Variants in SGCZ observed in about 807,000 individuals in gnomAD.
SGCZ encodes the protein zeta-sarcoglycan.
In SGCZ, 40 loss-of-function variants were observed where a neutral mutation model predicts 41.3. The ratio of observed to expected loss-of-function variants is 0.97; its 90% CI spans 0.75 to 1.26. SGCZ has a LOEUF of 1.26. Ranked by LOEUF, SGCZ falls within the 50% of genes most tolerant of loss-of-function variation. SGCZ has a pLI of 0.00. For synonymous variants in SGCZ, 206 were observed against 137.5 expected (o/e 1.50, Z -3.49); for missense variants, 552 against 369.8 (o/e 1.49, Z -4.04).
intron 1 of SGCZ, among the ~76,000 whole-genome samples, chr8:14,758,370 T>A (rs1367749719): frequency 6.6e-6 from 1 of 150,520 alleles, no homozygotes; most frequent in Admixed American, 6.6e-5. Context: ...TAATACTGAT[T>A]TTTTTTTAAC....
At position 14,524,829 on chromosome 8, in the gene SGCZ, T is replaced by G. The variant is rs553685912; in HGVS notation, c.234+29903A>C. ...AATAATCATTGCATATATCTCCTTT[T>G]TGTTTTTTTTAAAGCAAATAACTGT... is the stretch of plus-strand genomic sequence containing the variant. On this transcript the variant is annotated intron_variant, in intron 2 of 7. Transcript: ENST00000382080. 7.9e-5 allele frequency among the ~76,000 whole-genome samples: 12 copies of G among 151,976 alleles called. No homozygotes were observed. The East Asian group carries it at 2.4e-3, about 30-fold the overall frequency.
At chr8:14,829,220 T>G (rs183080284) in intron 1 of SGCZ, among the ~76,000 whole-genome samples, 3 of 152,286 alleles carry the variant, frequency 2.0e-5, no homozygotes, top group South Asian at 4.1e-4. Context: ...TAGGCCCCAG[T>G]GCATATTGTT....
chr8:14,788,207 G>A (rs1414225140), intron 1 of SGCZ, among the ~76,000 whole-genome samples: 1 of 152,016 alleles, frequency 6.6e-6, no homozygotes, highest in South Asian at 2.1e-4. Context: ...TATCTGTCAA[G>A]GTCTCTAGAA....
At chr8:15,016,767 C>G (rs1011098256) in intron 1 of SGCZ, among the ~76,000 whole-genome samples, 5 of 152,124 alleles carry the variant, frequency 3.3e-5, no homozygotes, top group African/African-American at 1.2e-4. Flanking sequence ...CACAGTTCTG[C>G]AGGCTGTATA....
rs10103517 is a variant in SGCZ, at chr8:14,096,558, A to C, written c.744+5818T>G. On this transcript the variant is annotated intron_variant, in intron 7 of 7. Transcript: ENST00000382080. ...GATGTTCATCAGGGATGTTGGCCTA[A>C]AATTTTCTTTTTTTGTTGTGTCTCT... is the stretch of plus-strand genomic sequence containing the variant. 2.0e-3 allele frequency among the ~76,000 whole-genome samples: 306 copies of C among 152,212 alleles called. 1 individual carries two copies. Among genetic ancestry groups the C allele is most frequent in the African/African-American group, 6.9e-3 (286 of 41,526 alleles).
rs192395073 is a variant in SGCZ, at chr8:14,869,262, T to G, written c.40-314336A>C. Among the ~76,000 whole-genome samples the G allele has an allele frequency of 2.4e-3, 368 of 152,302 alleles. 1 individual carries two copies. The highest frequency in any genetic ancestry group is 8.4e-3 in the African/African-American group (350 of 41,572). On this transcript the variant is annotated intron_variant, in intron 1 of 7. Coordinates refer to ENST00000382080, the MANE Select transcript of SGCZ (RefSeq NM_139167.4). The stretch of plus-strand genomic sequence containing the variant: ...ACCACGATTAAGTTGACGTCATCCC[T>G]GGGATGCAAGCCTGGTTTAACATAT...
In SGCZ at chr8:15,237,511, G is replaced by A. The variant is rs1431026929; in HGVS notation, c.39+74C>T. Reference sequence around the variant, plus strand: ...CACCAACTACTCCGCGCCGCTGGAGGAGCCGCGGGAAGGAGAGGGGAGAGC... The same window carrying A: ...CACCAACTACTCCGCGCCGCTGGAGAAGCCGCGGGAAGGAGAGGGGAGAGC... On this transcript the variant is annotated intron_variant, in intron 1 of 7. Coordinates refer to ENST00000382080, the MANE Select transcript of SGCZ (RefSeq NM_139167.4). The A allele has an allele frequency of 3.9e-6, 6 of 1,522,244 alleles. No individual in the cohort carries two copies. The East Asian group carries it at 1.2e-4, about 31-fold the overall frequency. The allele number at this position is 1,522,244 out of a possible 1,614,324, so 94.3% of individuals were successfully genotyped here.
At chr8:15,237,533 G>A in intron 1 of SGCZ, 52 bp downstream of exon 1, 1 of 1,563,812 alleles carries the variant, frequency 6.4e-7, no homozygotes, top group Non-Finnish European at 8.7e-7. Context: ...GGAGAGGGGA[G>A]AGCAGGGAGC....
At chr8:14,481,004 A>T (rs1270362338) in intron 2 of SGCZ, among the ~76,000 whole-genome samples, 1 of 152,106 alleles carries the variant, frequency 6.6e-6, no homozygotes, top group Non-Finnish European at 1.5e-5. Context: ...TATATTTATC[A>T]ATAGATGCTC....
intron 1 of SGCZ, among the ~76,000 whole-genome samples, chr8:15,216,223 C>CTTTTTTTTTTTTT (rs34383864): frequency 1.6e-5 from 2 of 125,940 alleles, no homozygotes; most frequent in African/African-American, 6.0e-5. Flanking sequence ...CTTTTTTTTT[C>CTTTTTTTTTTTTT]TTTTTTTTTT....
At chr8:14,636,711 G>C (rs1320629620) in intron 1 of SGCZ, among the ~76,000 whole-genome samples, 1 of 151,684 alleles carries the variant, frequency 6.6e-6, no homozygotes, top group Non-Finnish European at 1.5e-5. Context: ...GGTAATATGA[G>C]TATCACAAGT....
intron 4 of SGCZ, among the ~76,000 whole-genome samples, chr8:14,224,721 G>A (rs981905): frequency 0.29 from 43,397 of 152,026 alleles, 7,096 homozygotes; most frequent in Non-Finnish European, 0.38. Flanking sequence ...AAGAGGCATA[G>A]CAAAGTAGAG....
intron 4 of SGCZ, among the ~76,000 whole-genome samples, chr8:14,200,263 A>G (rs1247204868): frequency 6.6e-6 from 1 of 152,206 alleles, no homozygotes; most frequent in Admixed American, 6.5e-5. Flanking sequence ...AAAAGACTCA[A>G]TATTGTTAAG....
chr8:14,139,045 A>C (rs1432945001), intron 5 of SGCZ, among the ~76,000 whole-genome samples: 1 of 152,200 alleles, frequency 6.6e-6, no homozygotes, highest in Non-Finnish European at 1.5e-5. Context: ...ACTCATTCAA[A>C]ACTGCACAAT....
intron 1 of SGCZ, among the ~76,000 whole-genome samples, chr8:14,592,731 T>C (rs1304939763): frequency 6.6e-6 from 1 of 152,204 alleles, no homozygotes; most frequent in South Asian, 2.1e-4. Context: ...GACATTAACA[T>C]CTAACTAAAT....
intron 1 of SGCZ, among the ~76,000 whole-genome samples, chr8:14,689,709 C>G (rs1465665245): frequency 6.6e-6 from 1 of 152,126 alleles, no homozygotes; most frequent in African/African-American, 2.4e-5. Flanking sequence ...TGCACCTGCT[C>G]TTATTTGTAG....
intron 1 of SGCZ, among the ~76,000 whole-genome samples, chr8:14,888,193 C>T (rs1441375405): frequency 6.6e-6 from 1 of 152,166 alleles, no homozygotes; most frequent in Non-Finnish European, 1.5e-5. Flanking sequence ...AAGACCAATA[C>T]ACATAGTAGT....
intron 2 of SGCZ, among the ~76,000 whole-genome samples, chr8:14,376,386 A>C (rs956557215): frequency 1.3e-5 from 2 of 152,194 alleles, no homozygotes; most frequent in Admixed American, 1.3e-4. Context: ...ACACAAACAT[A>C]CAAAATGACT....
At chr8:14,400,699 A>C (rs1337309858) in intron 2 of SGCZ, among the ~76,000 whole-genome samples, 1 of 152,136 alleles carries the variant, frequency 6.6e-6, no homozygotes, top group Non-Finnish European at 1.5e-5. Flanking sequence ...AATTTTTCTA[A>C]AGGCCTATTC....
Sources: gnomAD v4.1 joint callset for allele counts (sites outside exome capture counted in the v4.1 genomes callset) on GRCh38, gnomAD v4.1.1 for gene constraint, MANE v1.5 for transcripts, NCBI Gene and HGNC (gene_info 2026-07-23, HGNC 2026-07-21) for gene names.